ITGA11: variants seen among roughly 807,000 people sequenced by gnomAD.
ITGA11 encodes the protein integrin alpha-11.
A neutral mutation model predicts 141.9 loss-of-function variants in ITGA11; 97 were observed. The observed-to-expected ratio is 0.68, with a 90% CI of 0.58 to 0.81. ITGA11 has a LOEUF of 0.81. Ranked by LOEUF, ITGA11 falls within the 30% of genes least tolerant of loss-of-function variation. The probability of loss-of-function intolerance (pLI) is 0.00; values close to 1 mark genes in which losing one functional copy is unlikely to be tolerated. For synonymous variants in ITGA11, 658 were observed against 624.6 expected (o/e 1.05, Z -0.80); for missense variants, 1,387 against 1,559.2 (o/e 0.89, Z 1.86).
In ITGA11 at chr15:68,325,868, G is replaced by C. The variant is rs898587; in HGVS notation, c.2212-627C>G. On this transcript the variant is annotated intron_variant, in intron 17 of 29. Transcript: ENST00000315757. The surrounding 1 kb of genome is among the most constrained non-coding windows in gnomAD (Gnocchi z 5.5). ...CCCTGATTATATAAAGGCAGTGGCT[G>C]TCAAACCTGAGCTGGCACCAGAGTC... Among the ~76,000 whole-genome samples, 127,729 of 152,268 alleles carry C rather than the reference G, an allele frequency of 0.84. 53,707 individuals carry two copies. The highest frequency in any genetic ancestry group is 0.93 in the South Asian group (4,469 of 4,828).
chr15:68,425,467 T>G (rs1165421948), intron 1 of ITGA11, among the ~76,000 whole-genome samples: 4 of 152,312 alleles, frequency 2.6e-5, no homozygotes, highest in African/African-American at 9.6e-5. Flanking sequence ...GCCACCAATC[T>G]CTGAACGCAG....
chr15:68,360,181 C>T (rs756163965), intron 5 of ITGA11, among the ~76,000 whole-genome samples: 2 of 152,216 alleles, frequency 1.3e-5, no homozygotes, highest in Admixed American at 6.5e-5. Flanking sequence ...TGGTTTAGTT[C>T]GGCTCCACAC....
intron 2 of ITGA11, among the ~76,000 whole-genome samples, chr15:68,369,743 C>T (rs1460644): frequency 0.65 from 98,541 of 152,164 alleles, 34,002 homozygotes; most frequent in Middle Eastern, 0.77. Flanking sequence ...CTTCATCTTA[C>T]AGGGAAGCCT....
chr15:68,425,870 AC>A (rs1246837908), intron 1 of ITGA11, among the ~76,000 whole-genome samples: 1 of 152,134 alleles, frequency 6.6e-6, no homozygotes, highest in African/African-American at 2.4e-5. Context: ...GCAGGCAGGA[AC>A]CCCTTCTCTG....
At chr15:68,430,429 C>A (rs1232405812) in intron 1 of ITGA11, among the ~76,000 whole-genome samples, 1 of 152,206 alleles carries the variant, frequency 6.6e-6, no homozygotes, top group East Asian at 1.9e-4. Flanking sequence ...GATTGAACAG[C>A]TAGCAGGGTG....
chr15:68,342,997 T>TTCTCTCTCTCTCTCTC (rs6145615), intron 10 of ITGA11, among the ~76,000 whole-genome samples: 87 of 144,030 alleles, frequency 6.0e-4, no homozygotes, highest in African/African-American at 1.7e-3. Context: ...GGGCAAGTTC[T>TTCTCTCTCTCTCTCTC]TCTCTCTCTC....
chr15:68,355,117 C>G (rs1259015818), intron 7 of ITGA11, among the ~76,000 whole-genome samples: 1 of 152,136 alleles, frequency 6.6e-6, no homozygotes, highest in Non-Finnish European at 1.5e-5. Context: ...CTGTATGAGT[C>G]AGTTAGCTTC....
chr15:68,425,447 C>A (rs962896217), intron 1 of ITGA11, among the ~76,000 whole-genome samples: 2 of 152,212 alleles, frequency 1.3e-5, no homozygotes, highest in Admixed American at 1.3e-4. Context: ...ATTGATGGGA[C>A]TTTATTATGG....
chr15:68,412,369 C>T (rs16952019), intron 1 of ITGA11, among the ~76,000 whole-genome samples: 1,783 of 152,218 alleles, frequency 0.012, 42 homozygotes, highest in African/African-American at 0.04. Flanking sequence ...TGTGGCCTAA[C>T]GAGCAAATCA....
intron 1 of ITGA11, among the ~76,000 whole-genome samples, chr15:68,405,291 T>TG (rs1257549503): frequency 1.3e-5 from 2 of 151,908 alleles, no homozygotes; most frequent in African/African-American, 4.8e-5. Context: ...TGTTATCTTA[T>TG]TGAACATGCC....
rs61729764 is a variant in ITGA11, at chr15:68,331,985, T to G, written c.1644A>C (p.Ser548=). Residue 548 remains serine (S), a synonymous_variant, in exon 14 of 30, where the codon TCA becomes TCC. Coordinates refer to ENST00000315757, the MANE Select transcript of ITGA11 (RefSeq NM_001004439.2). ...AGGAATCCTGGTTGAGGTCTCGAAC[T>G]GAGGCAATGGAGGACCCAAATCGGG... ...QNARFGSSIA[S]VRDLNQDSYN... 8.5e-5 allele frequency: 137 copies of G among 1,613,046 alleles called. No homozygotes were observed. The African/African-American group carries it at 1.4e-3, about 16-fold the overall frequency.
intron 9 of ITGA11, 89 bp downstream of exon 9, chr15:68,350,528 T>C (rs1894871967): frequency 7.8e-7 from 1 of 1,288,064 alleles, no homozygotes; most frequent in African/African-American, 1.5e-5. Flanking sequence ...TTAAGCCATT[T>C]CGTTTTGTGG....
At chr15:68,396,980 T>TATTATTTATTCTATAATATATAA (rs2140399602) in intron 2 of ITGA11, among the ~76,000 whole-genome samples, 1 of 42,278 alleles carries the variant, frequency 2.4e-5, no homozygotes, top group South Asian at 1.2e-3. Context: ...ATATATTATA[T>TATTATTTATTCTATAATATATAA]ATTATTTATT....
chr15:68,308,500 G>T lies in ITGA11; in HGVS notation c.3175-804C>A, dbSNP rs1483297215. Among the ~76,000 whole-genome samples, 1 of 152,146 alleles carries T rather than the reference G, an allele frequency of 6.6e-6. No homozygotes were observed. The highest frequency in any genetic ancestry group is 1.9e-4 in the East Asian group (1 of 5,184). ...CTCACGCCTGTAATCTCAGCACTTT[G>T]GGAGGCCAAGGCAGGCGGATCACAA... On this transcript the variant is annotated intron_variant, in intron 26 of 29. Transcript: ENST00000315757. The surrounding 1 kb of genome is among the most constrained non-coding windows in gnomAD (Gnocchi z 5.2).
intron 2 of ITGA11, among the ~76,000 whole-genome samples, chr15:68,390,933 A>G (rs1480283045): frequency 6.6e-6 from 1 of 152,152 alleles, no homozygotes; most frequent in East Asian, 1.9e-4. Flanking sequence ...GAGCTGAATC[A>G]ATACATCCCA....
chr15:68,363,052 G>T (rs993052312), intron 4 of ITGA11, among the ~76,000 whole-genome samples: 2 of 152,128 alleles, frequency 1.3e-5, no homozygotes, highest in Non-Finnish European at 2.9e-5. Flanking sequence ...GATAGATGAT[G>T]GAGGTTGATG....
chr15:68,417,096 G>A (rs761338896), intron 1 of ITGA11, among the ~76,000 whole-genome samples: 3 of 151,824 alleles, frequency 2.0e-5, no homozygotes, highest in Non-Finnish European at 4.4e-5. Flanking sequence ...AACATGGCCC[G>A]AGCTCCTGAG....
chr15:68,410,316 A>C (rs752603751), intron 1 of ITGA11, among the ~76,000 whole-genome samples: 3 of 152,018 alleles, frequency 2.0e-5, no homozygotes, highest in Non-Finnish European at 4.4e-5. Flanking sequence ...AAGAGCTTTC[A>C]TTTTCCTTGG....
chr15:68,364,754 G>T lies in ITGA11; in HGVS notation c.310C>A (p.Arg104Ser), dbSNP rs761808597. ...SNVSERKDNM[R>S]LGLSLATNPK... Reference sequence around the variant, plus strand: ...TTGGTGGCGAGACTAAGGCCGAGGCGCATGTTGTCTTTCCGCTCGGACACG... The same window carrying T: ...TTGGTGGCGAGACTAAGGCCGAGGCTCATGTTGTCTTTCCGCTCGGACACG... Residue 104 changes from arginine (R) to serine (S), a missense_variant, in exon 4 of 30, where the codon CGC becomes AGC. Physicochemically the swap from Arg to Ser is moderately radical, Grantham distance 110. Transcript: ENST00000315757. The T allele has an allele frequency of 2.5e-6, 4 of 1,613,626 alleles. No individual in the cohort carries two copies. The highest frequency in any genetic ancestry group is 3.4e-6 in the Non-Finnish European group (4 of 1,179,808).
Sources: gnomAD v4.1 joint callset for allele counts (sites outside exome capture counted in the v4.1 genomes callset) on GRCh38, gnomAD v4.1.1 for gene constraint, Gnocchi (gnomAD v3.1) non-coding constraint, MANE v1.5 for transcripts, NCBI Gene and HGNC (gene_info 2026-07-23, HGNC 2026-07-21) for gene names.